Variants in RAD21 observed in about 807,000 individuals in gnomAD.
RAD21 encodes RAD21 cohesin complex component.
In RAD21, 18 loss-of-function variants were observed where a neutral mutation model predicts 71.5. The ratio of observed to expected loss-of-function variants is 0.25; its 90% CI spans 0.17 to 0.37. The LOEUF (loss-of-function observed/expected upper bound fraction) is 0.37. Among genes scored for constraint, RAD21 ranks in the 10% least tolerant of loss-of-function variants. RAD21 has a pLI of 1.00. For synonymous variants in RAD21, 248 were observed against 254.0 expected (o/e 0.98, Z 0.22); for missense variants, 493 against 769.1 (o/e 0.64, Z 4.25).
At chr8:116,857,556 A>G in intron 5 of RAD21, 83 bp from the exon 6 acceptor site, 2 of 1,126,554 alleles carry the variant, frequency 1.8e-6, no homozygotes, top group South Asian at 1.5e-5. Flanking sequence ...GATTTATTCT[A>G]ATTATGTCAC....
In RAD21 at chr8:116,846,233, A is replaced by G. The variant is rs1159127559; in HGVS notation, c.*1267T>C. 4.3e-6 allele frequency: 1 copy of G among 231,242 alleles called. No homozygotes were observed. Among genetic ancestry groups the G allele is most frequent in the Non-Finnish European group, 8.6e-6 (1 of 116,698 alleles). 14.3% of individuals were successfully genotyped at this position (231,242 alleles called of 1,614,324 possible). Reference sequence around the variant, plus strand: ...ACAGTAATTACGAGTTCACAAATTTAAAACATTTCACATAATTTTAAATTA... The same window carrying G: ...ACAGTAATTACGAGTTCACAAATTTGAAACATTTCACATAATTTTAAATTA... On this transcript the variant is annotated 3_prime_UTR_variant, in exon 14 of 14. Coordinates refer to ENST00000297338, the MANE Select transcript of RAD21 (RefSeq NM_006265.3).
At chr8:116,856,407 A>C in intron 7 of RAD21, 119 bp from the exon 8 acceptor site, 1 of 1,317,892 alleles carries the variant, frequency 7.6e-7, no homozygotes, top group Non-Finnish European at 9.9e-7. Context: ...GTTATTACTA[A>C]GAAAAAATAT....
chr8:116,848,932 A>C lies in RAD21; in HGVS notation c.1704+14T>G, dbSNP rs1287864288. 6.3e-7 allele frequency: 1 copy of C among 1,596,512 alleles called. No homozygotes were observed. Among genetic ancestry groups the C allele is most frequent in the Admixed American group, 1.7e-5 (1 of 57,912 alleles). ...TTGATGAAGCATTTTCCTCTGAGAC[A>C]ACAGCGGCAATACCTGAAGACCATG... On this transcript the variant is annotated intron_variant, in intron 13 of 13. Transcript: ENST00000297338.
chr8:116,871,989 C>T (rs1413022245), intron 1 of RAD21, among the ~76,000 whole-genome samples: 2 of 152,116 alleles, frequency 1.3e-5, no homozygotes, highest in Admixed American at 6.5e-5. Flanking sequence ...ACCCAAACAA[C>T]GGAATATAGT....
At chr8:116,870,731 A>G (rs1729044745) in intron 1 of RAD21, among the ~76,000 whole-genome samples, 1 of 152,106 alleles carries the variant, frequency 6.6e-6, no homozygotes, top group South Asian at 2.1e-4. Context: ...TAAACAAAAA[A>G]CTCCTTAATA....
rs1812268379 is a variant in RAD21, at chr8:116,847,303, C to T, written c.*197G>A. 1 of 506,832 alleles carries T rather than the reference C, an allele frequency of 2.0e-6. No individual in the cohort carries two copies. Among genetic ancestry groups the T allele is most frequent in the South Asian group, 3.4e-5 (1 of 29,384 alleles). The allele number at this position is 506,832 out of a possible 1,614,324, so 31.4% of individuals were successfully genotyped here. A position where few individuals can be genotyped will look rare whatever the true frequency, so the allele number is the denominator to read the frequency against. ...GCTGTTTTCTCCATCAGAACACAAA[C>T]ACAACCCATCTAATCAGTTTCCCTC... On this transcript the variant is annotated 3_prime_UTR_variant, in exon 14 of 14. Coordinates refer to ENST00000297338, the MANE Select transcript of RAD21 (RefSeq NM_006265.3).
In RAD21 at chr8:116,847,312, T is replaced by A. The variant is rs1033445709; in HGVS notation, c.*188A>T. ...TCCATCAGAACACAAACACAACCCA[T>A]CTAATCAGTTTCCCTCAAAGATGAA... On this transcript the variant is annotated 3_prime_UTR_variant, in exon 14 of 14. Coordinates refer to ENST00000297338, the MANE Select transcript of RAD21 (RefSeq NM_006265.3). 1.9e-5 allele frequency: 10 copies of A among 531,206 alleles called. No homozygotes were observed. The highest frequency in any genetic ancestry group is 4.9e-4 in the Middle Eastern group (1 of 2,060). The allele number at this position is 531,206 out of a possible 1,614,324, so 32.9% of individuals were successfully genotyped here. A position where few individuals can be genotyped will look rare whatever the true frequency, so the allele number is the denominator to read the frequency against.
intron 10 of RAD21, 50 bp downstream of exon 10, chr8:116,852,499 G>T: frequency 6.6e-7 from 1 of 1,511,920 alleles, no homozygotes; most frequent in Non-Finnish European, 8.9e-7. Flanking sequence ...TAAATTTTAA[G>T]CCAAATACTC....
intron 9 of RAD21, among the ~76,000 whole-genome samples, chr8:116,853,847 A>C (rs921290406): frequency 2.6e-5 from 4 of 151,890 alleles, no homozygotes; most frequent in Non-Finnish European, 4.4e-5. Context: ...AACAAACAAA[A>C]AAACAAAACA....
rs1375329076 is a variant in RAD21 at position 116,854,359 on chromosome 8, A to C, written c.1047T>G (p.Thr349=). The C allele has an allele frequency of 6.2e-7, 1 of 1,613,884 alleles. No individual in the cohort carries two copies. The highest frequency in any genetic ancestry group is 8.5e-7 in the Non-Finnish European group (1 of 1,179,860). The change falls in exon 9 of 14, where the codon ACT becomes ACG. Residue 349 remains threonine (T), a synonymous_variant. Coordinates refer to ENST00000297338, the MANE Select transcript of RAD21 (RefSeq NM_006265.3). ...AQLSDYSDIV[T]TLDLAPPTKK... ...TGGTGGGCGGTGCCAGATCCAAAGT[A>C]GTAACAATATCTGAATAATCACTAA...
At chr8:116,872,822 T>C (rs144308509) in intron 1 of RAD21, among the ~76,000 whole-genome samples, 173 of 152,302 alleles carry the variant, frequency 1.1e-3, no homozygotes, top group African/African-American at 3.8e-3. Flanking sequence ...TCTCTGAAGA[T>C]ATTTCTAACC....
chr8:116,870,338 T>TTTTATTTTTTAAAA (rs1812792610), intron 1 of RAD21, among the ~76,000 whole-genome samples: 1 of 152,006 alleles, frequency 6.6e-6, no homozygotes, highest in African/African-American at 2.4e-5. Context: ...ACCACCCTGG[T>TTTTATTTTTTAAAA]CAATATAGCA....
At chr8:116,871,449 C>T (rs10107209) in intron 1 of RAD21, among the ~76,000 whole-genome samples, 33,175 of 151,984 alleles carry the variant, frequency 0.22, 4,452 homozygotes, top group South Asian at 0.47. Flanking sequence ...CAAAAAATGG[C>T]AATTTAAGAC....
Position 116,856,637 on chromosome 8 carries a change from A to G in RAD21, c.814+9T>C. ...TCATCCCCAGAATCACTGAACATGA[A>G]ATGCTTACTTGATACATTATCATCC... is the stretch of plus-strand genomic sequence containing the variant. On this transcript the variant is annotated intron_variant, in intron 7 of 13. Coordinates refer to ENST00000297338, the MANE Select transcript of RAD21 (RefSeq NM_006265.3). 6.3e-7 allele frequency: 1 copy of G among 1,578,270 alleles called. No homozygotes were observed.
In RAD21 at chr8:116,847,533, G is replaced by C. The variant is rs763059424; in HGVS notation, c.1863C>G (p.Ile621Met). ...TATGGAACCTTGGTCCAGGTGTTGCGATGATGTCACTGTACGGTTCTTCCT... is the reference window on the plus strand; with the variant it reads ...TATGGAACCTTGGTCCAGGTGTTGCCATGATGTCACTGTACGGTTCTTCCT... ...LTQEEPYSDI[I>M]ATPGPRFHII is the part of the protein sequence containing the mutation. The change falls in exon 14 of 14, where the codon ATC becomes ATG. Residue 621 changes from isoleucine (I) to methionine (M), a missense_variant. By Grantham distance (10) the Ile-to-Met change is conservative. Transcript: ENST00000297338. The C allele has an allele frequency of 1.2e-6, 2 of 1,613,282 alleles. No individual in the cohort carries two copies. Among genetic ancestry groups the C allele is most frequent in the Non-Finnish European group, 1.7e-6 (2 of 1,179,672 alleles).
chr8:116,856,397 G>A, intron 7 of RAD21, 109 bp from the exon 8 acceptor site: 1 of 1,323,644 alleles, frequency 7.6e-7, no homozygotes, highest in Non-Finnish European at 9.8e-7. Flanking sequence ...AAGAAATCCT[G>A]TTATTACTAA....
rs947295335 is a variant in RAD21, at chr8:116,856,556, C to T, written c.814+90G>A. 8.8e-6 allele frequency: 12 copies of T among 1,364,466 alleles called. No homozygotes were observed. In the African/African-American group the frequency reaches 1.8e-4, roughly 20 times the overall value. 84.5% of individuals were successfully genotyped at this position (1,364,466 alleles called of 1,614,324 possible). On this transcript the variant is annotated intron_variant, in intron 7 of 13. Coordinates refer to ENST00000297338, the MANE Select transcript of RAD21 (RefSeq NM_006265.3). ...AAAGATATTTATAATTCACTAAAAACTACAACTTTTAGTTTGTCATCTTCT... is the reference window on the plus strand; with the variant it reads ...AAAGATATTTATAATTCACTAAAAATTACAACTTTTAGTTTGTCATCTTCT...
At chr8:116,867,866 T>C (rs973079685) in intron 1 of RAD21, among the ~76,000 whole-genome samples, 10 of 152,140 alleles carry the variant, frequency 6.6e-5, no homozygotes, top group African/African-American at 2.4e-4. Flanking sequence ...GCACTGACAT[T>C]GATTCAATGT....
rs1436987509 is a variant in RAD21, at chr8:116,874,689, G to A, written c.-111C>T. The A allele has an allele frequency of 1.2e-5, 5 of 420,046 alleles. No individual in the cohort carries two copies. The highest frequency in any genetic ancestry group is 1.0e-4 in the Admixed American group (4 of 39,044). 26.0% of individuals were successfully genotyped at this position (420,046 alleles called of 1,614,324 possible). On this transcript the variant is annotated 5_prime_UTR_variant, in exon 1 of 14. Coordinates refer to ENST00000297338, the MANE Select transcript of RAD21 (RefSeq NM_006265.3). ...GTCGGGGGAGGGGGTGGGGAAAGGG[G>A]GGAGCCCTTGCGAGGTGTAGCTTCC...
Sources: allele counts gnomAD v4.1 joint callset (sites outside exome capture counted in the v4.1 genomes callset), GRCh38; gene constraint gnomAD v4.1.1; transcripts MANE v1.5; gene names NCBI Gene and HGNC (gene_info 2026-07-23, HGNC 2026-07-21).